The following ST6GALNAC3 variants were observed in gnomAD, a reference collection of about 807,000 sequenced individuals.
ST6GALNAC3 encodes ST6 N-acetylgalactosaminide alpha-2,6-sialyltransferase 3.
Under a neutral mutation model 32.7 loss-of-function variants are expected in ST6GALNAC3, and 25 were observed. That is an observed-to-expected ratio of 0.76 (90% confidence interval 0.56 to 1.07). The LOEUF is 1.07. ST6GALNAC3 is among the 50% of genes least tolerant of loss of function. ST6GALNAC3 has a pLI of 0.00. For synonymous variants in ST6GALNAC3, 129 were observed against 133.1 expected, an observed-to-expected ratio of 0.97 and a Z score of 0.21; for missense variants, 355 against 382.4, an observed-to-expected ratio of 0.93 and a Z score of 0.60.
intron 1 of ST6GALNAC3, among the ~76,000 whole-genome samples, chr1:76,288,890 A>T (rs1659924170): frequency 6.6e-6 from 1 of 152,164 alleles, no homozygotes; most frequent in Admixed American, 6.5e-5. Context: ...CAGAAAAATG[A>T]ACACATTGTG....
chr1:76,263,458 G>A (rs891945045), intron 1 of ST6GALNAC3, among the ~76,000 whole-genome samples: 9 of 151,910 alleles, frequency 5.9e-5, no homozygotes, highest in African/African-American at 1.2e-4. Context: ...TTGTCACCTC[G>A]TCTTTCCCCT....
chr1:76,495,590 A>G (rs1369089553), intron 3 of ST6GALNAC3, among the ~76,000 whole-genome samples: 6 of 152,064 alleles, frequency 3.9e-5, no homozygotes, highest in Non-Finnish European at 5.9e-5. Context: ...GGCCCCTTTC[A>G]TGTGTTTAAA....
intron 3 of ST6GALNAC3, among the ~76,000 whole-genome samples, chr1:76,508,597 C>T (rs1380960901): frequency 1.3e-5 from 2 of 152,044 alleles, no homozygotes; most frequent in Non-Finnish European, 2.9e-5. Flanking sequence ...CCCTACAGCC[C>T]CAGTGTTGCT....
At chr1:76,179,387 C>A (rs1171151496) in intron 1 of ST6GALNAC3, among the ~76,000 whole-genome samples, 1 of 152,146 alleles carries the variant, frequency 6.6e-6, no homozygotes, top group African/African-American at 2.4e-5. Context: ...AATAGTGAAT[C>A]CCTTAACATA....
intron 3 of ST6GALNAC3, among the ~76,000 whole-genome samples, chr1:76,563,454 C>A (rs1057002960): frequency 6.6e-6 from 1 of 152,182 alleles, no homozygotes; most frequent in African/African-American, 2.4e-5. Flanking sequence ...AAATATTGCT[C>A]TTTTCACCCA....
chr1:76,387,286 GTCTA>G (rs1336211384), intron 2 of ST6GALNAC3, among the ~76,000 whole-genome samples: 1 of 152,110 alleles, frequency 6.6e-6, no homozygotes, highest in Non-Finnish European at 1.5e-5. Flanking sequence ...CAGGGACTTT[GTCTA>G]TCTTCCTGCA....
chr1:76,334,974 A>G (rs1361520004), intron 2 of ST6GALNAC3, among the ~76,000 whole-genome samples: 1 of 152,206 alleles, frequency 6.6e-6, no homozygotes, highest in East Asian at 1.9e-4. Context: ...CCAAACTTCT[A>G]AATAAAGACC....
chr1:76,274,186 A>G (rs2100764135), intron 1 of ST6GALNAC3, among the ~76,000 whole-genome samples: 1 of 152,320 alleles, frequency 6.6e-6, no homozygotes, highest in East Asian at 1.9e-4. Flanking sequence ...GCATATGTGC[A>G]CCTGTGGGTA....
intron 3 of ST6GALNAC3, among the ~76,000 whole-genome samples, chr1:76,567,367 C>T (rs1665614310): frequency 6.6e-6 from 1 of 152,020 alleles, no homozygotes. Context: ...AGTAAGGTAC[C>T]ACAAGAGAAC....
At chr1:76,133,482 T>A (rs1057254039) in intron 1 of ST6GALNAC3, among the ~76,000 whole-genome samples, 1 of 152,164 alleles carries the variant, frequency 6.6e-6, no homozygotes, top group African/African-American at 2.4e-5. Flanking sequence ...ACCCCCTGTC[T>A]CTCCACCATA....
chr1:76,619,445 A>AGGT (rs1648498923), intron 3 of ST6GALNAC3, among the ~76,000 whole-genome samples: 1 of 152,112 alleles, frequency 6.6e-6, no homozygotes, highest in Non-Finnish European at 1.5e-5. Context: ...GAGCACTACT[A>AGGT]GGTGCATCCT....
chr1:76,555,199 A>G (rs1036319137), intron 3 of ST6GALNAC3, among the ~76,000 whole-genome samples: 1 of 152,180 alleles, frequency 6.6e-6, no homozygotes, highest in African/African-American at 2.4e-5. Context: ...AAAAATTCAC[A>G]TAGAAAGAAG....
intron 1 of ST6GALNAC3, among the ~76,000 whole-genome samples, chr1:76,231,714 T>A (rs1247600629): frequency 6.6e-6 from 1 of 152,228 alleles, no homozygotes; most frequent in Non-Finnish European, 1.5e-5. Flanking sequence ...TAGGTATATG[T>A]CACTTTTTTT....
intron 2 of ST6GALNAC3, among the ~76,000 whole-genome samples, chr1:76,326,749 T>C (rs1461183287): frequency 6.6e-6 from 1 of 151,582 alleles, no homozygotes; most frequent in Non-Finnish European, 1.5e-5. Flanking sequence ...CATGCAAAAA[T>C]ACTATTAATT....
In ST6GALNAC3 at chr1:76,093,729, A is replaced by T. The variant is rs536577675; in HGVS notation, c.18+18845A>T. On this transcript the variant is annotated intron_variant, in intron 1 of 4. Coordinates refer to ENST00000328299, the MANE Select transcript of ST6GALNAC3 (RefSeq NM_152996.4). ...ATCAGCTGAGAGACAACGCCAGAGGAATCTGCAAACTAACCTCACTTCATC... is the reference window on the plus strand; with the variant it reads ...ATCAGCTGAGAGACAACGCCAGAGGTATCTGCAAACTAACCTCACTTCATC... Among the ~76,000 whole-genome samples, 5 of 152,334 alleles carry T rather than the reference A, an allele frequency of 3.3e-5. No individual in the cohort carries two copies. The East Asian group carries it at 9.6e-4, about 29-fold the overall frequency.
At chr1:76,241,546 A>G (rs1380162888) in intron 1 of ST6GALNAC3, among the ~76,000 whole-genome samples, 1 of 152,152 alleles carries the variant, frequency 6.6e-6, no homozygotes, top group Non-Finnish European at 1.5e-5. Context: ...CCATGACCCA[A>G]ACACCTCCCA....
At chr1:76,416,633 T>TTTG in intron 3 of ST6GALNAC3, among the ~76,000 whole-genome samples, 1 of 145,774 alleles carries the variant, frequency 6.9e-6, no homozygotes, top group African/African-American at 2.5e-5. Context: ...TTTTGTTTTT[T>TTTG]TTTTTTTTTT....
intron 1 of ST6GALNAC3, among the ~76,000 whole-genome samples, chr1:76,205,431 G>A (rs1282471776): frequency 6.6e-6 from 1 of 152,040 alleles, no homozygotes; most frequent in African/African-American, 2.4e-5. Flanking sequence ...GGTCAGCCCT[G>A]ATTCATCATT....
At chr1:76,188,695 G>T (rs1018663114) in intron 1 of ST6GALNAC3, among the ~76,000 whole-genome samples, 2 of 152,068 alleles carry the variant, frequency 1.3e-5, no homozygotes, top group Non-Finnish European at 2.9e-5. Context: ...ATAAACAATT[G>T]ATTAATACAT....
Sources: gnomAD v4.1 joint callset for allele counts (sites outside exome capture counted in the v4.1 genomes callset) on GRCh38, gnomAD v4.1.1 for gene constraint, MANE v1.5 for transcripts, NCBI Gene and HGNC (gene_info 2026-07-23, HGNC 2026-07-21) for gene names.